Variants in TPTE observed in about 807,000 individuals in gnomAD.
TPTE encodes putative tyrosine-protein phosphatase TPTE.
In TPTE, 59 loss-of-function variants were observed where a neutral mutation model predicts 84.1. The observed-to-expected ratio is 0.70, with a 90% CI of 0.57 to 0.87. The LOEUF (loss-of-function observed/expected upper bound fraction) is 0.87. Ranked by LOEUF, TPTE falls within the 40% of genes least tolerant of loss-of-function variation. The pLI is 0.00. For synonymous variants in TPTE, 130 were observed against 223.5 expected (o/e 0.58, Z 3.73); for missense variants, 382 against 659.6 (o/e 0.58, Z 4.61).
rs569868930 is a variant in TPTE, at chr21:10,544,094, C to A, written c.173+712C>A. Among the ~76,000 whole-genome samples the A allele has an allele frequency of 5.2e-5, 8 of 152,416 alleles. No individual in the cohort carries two copies. The South Asian group carries it at 1.7e-3, about 32-fold the overall frequency. ...AGGGTTTTCCCAGTCATGTGAAAAC[C>A]TCTCCTGGAAATAAATCATAAAGGT... On this transcript the variant is annotated intron_variant, in intron 7 of 23. Transcript: ENST00000618007.
intron 17 of TPTE, among the ~76,000 whole-genome samples, chr21:10,579,672 A>T (rs1424267740): frequency 7.9e-5 from 12 of 152,396 alleles, no homozygotes; most frequent in African/African-American, 2.9e-4. Context: ...TTCACTTAAC[A>T]TAATGTTCTC....
chr21:10,552,159 G>GGTA (rs2074587562), intron 7 of TPTE, among the ~76,000 whole-genome samples: 1 of 152,308 alleles, frequency 6.6e-6, no homozygotes, highest in Non-Finnish European at 1.5e-5. Context: ...TTTTAATTAA[G>GGTA]GTATATACAT....
intron 15 of TPTE, 38 bp downstream of exon 15, chr21:10,577,558 A>G: frequency 6.2e-7 from 1 of 1,613,684 alleles, no homozygotes; most frequent in South Asian, 1.1e-5. Context: ...CTGTAGATAG[A>G]AAACAGATTA....
intron 17 of TPTE, among the ~76,000 whole-genome samples, chr21:10,583,126 A>C (rs1224595494): frequency 1.4e-4 from 21 of 152,412 alleles, no homozygotes; most frequent in Non-Finnish European, 2.5e-4. Context: ...GTTCTGTCTT[A>C]GGGTAATGAA....
intron 7 of TPTE, among the ~76,000 whole-genome samples, chr21:10,546,491 A>G (rs1047988350): frequency 6.6e-6 from 1 of 152,312 alleles, no homozygotes; most frequent in African/African-American, 2.4e-5. Flanking sequence ...ACCAAAAGCT[A>G]GAAATGATTG....
At chr21:10,543,103 C>T (rs1271575077) in intron 6 of TPTE, among the ~76,000 whole-genome samples, 3 of 128,220 alleles carry the variant, frequency 2.3e-5, no homozygotes, top group Non-Finnish European at 4.6e-5. Flanking sequence ...AATCTCGGCT[C>T]ACTGCAAGCT....
intron 7 of TPTE, among the ~76,000 whole-genome samples, chr21:10,544,242 A>G (rs964537079): frequency 3.3e-5 from 5 of 152,310 alleles, no homozygotes; most frequent in African/African-American, 9.6e-5. Context: ...TTAAGGAAAC[A>G]TCTAGGTGAG....
At chr21:10,598,670 A>C (rs557609985) in intron 21 of TPTE, among the ~76,000 whole-genome samples, 104 of 152,252 alleles carry the variant, frequency 6.8e-4, no homozygotes, top group African/African-American at 2.5e-3. Context: ...CGGGGGAGGA[A>C]CCTCTTTATC....
At chr21:10,544,183 A>C (rs2074423794) in intron 7 of TPTE, among the ~76,000 whole-genome samples, 1 of 152,306 alleles carries the variant, frequency 6.6e-6, no homozygotes, top group African/African-American at 2.4e-5. Flanking sequence ...ACCTTGCAAA[A>C]TGAGATTTTA....
At chr21:10,601,820 T>G (rs1358008078) in intron 21 of TPTE, among the ~76,000 whole-genome samples, 1 of 152,310 alleles carries the variant, frequency 6.6e-6, no homozygotes, top group Non-Finnish European at 1.5e-5. Flanking sequence ...GCCACTGCAC[T>G]TCAGCCTGGG....
chr21:10,599,353 T>C (rs569824033), intron 21 of TPTE, among the ~76,000 whole-genome samples: 92 of 152,290 alleles, frequency 6.0e-4, no homozygotes, highest in Non-Finnish European at 1.0e-3. Context: ...TCTTTCTCCT[T>C]CTATAATGCA....
At chr21:10,538,251 G>A (rs1455053651) in intron 3 of TPTE, among the ~76,000 whole-genome samples, 9 of 152,426 alleles carry the variant, frequency 5.9e-5, no homozygotes, top group African/African-American at 2.2e-4. Context: ...ATTGGATTGT[G>A]TGCTTGACTC....
intron 8 of TPTE, among the ~76,000 whole-genome samples, chr21:10,559,138 C>G (rs1191283667): frequency 6.6e-6 from 1 of 152,310 alleles, no homozygotes; most frequent in African/African-American, 2.4e-5. Flanking sequence ...CCCAGGCTGG[C>G]ATTAAAATAC....
chr21:10,555,114 G>A (rs1422559246), intron 8 of TPTE, among the ~76,000 whole-genome samples: 1 of 152,304 alleles, frequency 6.6e-6, no homozygotes, highest in Admixed American at 6.5e-5. Flanking sequence ...TAAAAAATGA[G>A]TCATTCATGT....
rs573430979 is a variant in TPTE, at chr21:10,543,334, A to T, written c.125A>T (p.His42Leu). The change falls in exon 7 of 24, where the codon CAC (histidine) becomes CTC (leucine). Residue 42 changes from histidine (H) to leucine (L), a missense_variant. Physicochemically the swap from His to Leu is moderately conservative, Grantham distance 99. Around this residue, in one of 10 missense-constraint regions of TPTE, gnomAD observed 7 missense variants for 19.0 expected, o/e 0.37. Transcript: ENST00000618007. Reference sequence around the variant, plus strand: ...ATTCTTTTATCATCCTCTAGCCCACACACAAGTGAATTTAAAGGAGCAGCC... The same window carrying T: ...ATTCTTTTATCATCCTCTAGCCCACTCACAAGTGAATTTAAAGGAGCAGCC... ...TEEAPAKESP[H>L]TSEFKGAARV... The T allele has an allele frequency of 6.2e-7, 1 of 1,614,002 alleles. No individual in the cohort carries two copies. The highest frequency in any genetic ancestry group is 1.3e-5 in the African/African-American group (1 of 75,014).
intron 5 of TPTE, among the ~76,000 whole-genome samples, chr21:10,541,646 T>C (rs2074371571): frequency 1.3e-5 from 2 of 152,312 alleles, no homozygotes; most frequent in Non-Finnish European, 2.9e-5. Context: ...ATTTTTACAT[T>C]GTTTAGAAAA....
At chr21:10,570,405 GATC>G in intron 13 of TPTE, 77 bp from the exon 14 acceptor site, 1 of 1,607,130 alleles carries the variant, frequency 6.2e-7, no homozygotes, top group South Asian at 1.1e-5. Flanking sequence ...AATGGAATCT[GATC>G]ATGTATAAAT....
chr21:10,536,838 C>G (rs951031513), intron 3 of TPTE, among the ~76,000 whole-genome samples: 1 of 152,306 alleles, frequency 6.6e-6, no homozygotes, highest in African/African-American at 2.4e-5. Context: ...GTCAGATTTC[C>G]TGTGTATGAG....
intron 7 of TPTE, among the ~76,000 whole-genome samples, chr21:10,546,561 AAAAC>A (rs1330886953): frequency 3.9e-5 from 6 of 152,300 alleles, no homozygotes; most frequent in African/African-American, 1.2e-4. Context: ...AACAAAAACA[AAAAC>A]AAAACAAAAC....
Sources: gnomAD v4.1 joint callset for allele counts (sites outside exome capture counted in the v4.1 genomes callset) on GRCh38, gnomAD v4.1.1 for gene constraint, gnomAD v4.1.1 regional missense constraint, MANE v1.5 for transcripts, NCBI Gene and HGNC (gene_info 2026-07-23, HGNC 2026-07-21) for gene names.